The following ASTN2 variants were observed in gnomAD, a reference collection of about 807,000 sequenced individuals.
ASTN2 encodes astrotactin-2.
In ASTN2, 54 loss-of-function variants were observed where a neutral mutation model predicts 139.8. The ratio of observed to expected loss-of-function variants is 0.39; its 90% CI spans 0.31 to 0.48. ASTN2 has a LOEUF of 0.48. Among genes scored for constraint, ASTN2 ranks in the 20% least tolerant of loss-of-function variants. ASTN2 has a pLI of 0.95. For synonymous variants in ASTN2, 756 were observed against 719.5 expected, an observed-to-expected ratio of 1.05 and a Z score of -0.81; for missense variants, 1,565 against 1,725.1, an observed-to-expected ratio of 0.91 and a Z score of 1.64.
chr9:116,669,145 G>C (rs1304048862), intron 16 of ASTN2, among the ~76,000 whole-genome samples: 1 of 152,122 alleles, frequency 6.6e-6, no homozygotes, highest in African/African-American at 2.4e-5. Flanking sequence ...CCATTGCCAT[G>C]GCAACACCTA....
At chr9:116,853,309 C>T (rs1317845158) in intron 11 of ASTN2, among the ~76,000 whole-genome samples, 1 of 152,086 alleles carries the variant, frequency 6.6e-6, no homozygotes, top group Admixed American at 6.5e-5. Context: ...GATTGATGAT[C>T]AGATGGAGAA....
At chr9:116,726,379 C>T (rs140157986) in intron 15 of ASTN2, among the ~76,000 whole-genome samples, 37 of 152,250 alleles carry the variant, frequency 2.4e-4, no homozygotes, top group African/African-American at 3.6e-4. Flanking sequence ...GTATAATGAG[C>T]AAGTCAAAGC....
chr9:117,305,127 T>C (rs1834967743), intron 1 of ASTN2, among the ~76,000 whole-genome samples: 1 of 152,172 alleles, frequency 6.6e-6, no homozygotes, highest in African/African-American at 2.4e-5. Flanking sequence ...GTTGTTCCCA[T>C]ATTGCCAGGC....
intron 1 of ASTN2, among the ~76,000 whole-genome samples, chr9:117,331,449 C>A (rs780908664): frequency 2.6e-4 from 39 of 152,210 alleles, no homozygotes; most frequent in Admixed American, 6.5e-4. Context: ...ATCAATTGAG[C>A]CTCGGTGTTC....
At chr9:116,800,691 C>T (rs1281749882) in intron 13 of ASTN2, among the ~76,000 whole-genome samples, 1 of 152,124 alleles carries the variant, frequency 6.6e-6, no homozygotes, top group Non-Finnish European at 1.5e-5. Flanking sequence ...AACAAGAAAC[C>T]AGGGAGCACT....
At chr9:116,610,220 G>A (rs566919187) in intron 19 of ASTN2, among the ~76,000 whole-genome samples, 3 of 152,220 alleles carry the variant, frequency 2.0e-5, no homozygotes, top group Admixed American at 2.0e-4. Flanking sequence ...ACACCCCAAA[G>A]TTAATAATGC....
At chr9:117,022,752 A>T (rs1837923510) in intron 6 of ASTN2, among the ~76,000 whole-genome samples, 1 of 152,026 alleles carries the variant, frequency 6.6e-6, no homozygotes. Context: ...GTCAGCTGGG[A>T]GTTGGGGACT....
intron 3 of ASTN2, among the ~76,000 whole-genome samples, chr9:117,152,721 C>G (rs918990805): frequency 2.6e-5 from 4 of 152,134 alleles, no homozygotes; most frequent in African/African-American, 9.7e-5. Context: ...GAACCCCACT[C>G]TCTTACTTTT....
intron 7 of ASTN2, among the ~76,000 whole-genome samples, chr9:116,997,970 G>T (rs1837072750): frequency 6.6e-6 from 1 of 152,156 alleles, no homozygotes; most frequent in Non-Finnish European, 1.5e-5. Context: ...GCATTGAATG[G>T]ATTAATCTGA....
chr9:117,103,814 G>T (rs1269908571), intron 4 of ASTN2, among the ~76,000 whole-genome samples: 1 of 152,156 alleles, frequency 6.6e-6, no homozygotes, highest in African/African-American at 2.4e-5. Context: ...GAATACAAAT[G>T]GTCCCAGTCA....
intron 10 of ASTN2, among the ~76,000 whole-genome samples, chr9:116,948,638 G>A (rs1206119438): frequency 6.6e-6 from 1 of 151,500 alleles, no homozygotes; most frequent in Non-Finnish European, 1.5e-5. Context: ...GGAGGGTTGG[G>A]GTAAGGAGGG....
intron 19 of ASTN2, among the ~76,000 whole-genome samples, chr9:116,521,917 C>T (rs180907958): frequency 6.6e-6 from 1 of 152,134 alleles, no homozygotes; most frequent in Admixed American, 6.5e-5. Context: ...AAAAAATGCT[C>T]AACATCACTA....
chr9:116,893,532 C>A (rs1302646529), intron 10 of ASTN2, among the ~76,000 whole-genome samples: 1 of 152,006 alleles, frequency 6.6e-6, no homozygotes, highest in East Asian at 1.9e-4. Flanking sequence ...AGCCTCAGTC[C>A]CCCAGTTGTA....
intron 1 of ASTN2, among the ~76,000 whole-genome samples, chr9:117,307,118 G>A (rs974175): frequency 0.08 from 12,245 of 152,196 alleles, 654 homozygotes; most frequent in South Asian, 0.12. Flanking sequence ...ATGTTCAACC[G>A]GGGGAACACA....
intron 22 of ASTN2, among the ~76,000 whole-genome samples, chr9:116,436,064 G>A (rs566530397): frequency 2.6e-5 from 4 of 152,278 alleles, no homozygotes; most frequent in African/African-American, 7.2e-5. Context: ...GCTGAACCTT[G>A]TAAAGGCAGG....
chr9:117,003,570 C>T (rs946606097), intron 7 of ASTN2, among the ~76,000 whole-genome samples: 3 of 9,906 alleles, frequency 3.0e-4, no homozygotes, highest in Admixed American at 1.6e-3. Flanking sequence ...AATCTAGAGG[C>T]TATTGGTGGA....
chr9:117,282,118 C>T (rs1834339700), intron 2 of ASTN2, among the ~76,000 whole-genome samples: 1 of 152,118 alleles, frequency 6.6e-6, no homozygotes, highest in Non-Finnish European at 1.5e-5. Context: ...TCTGTTCTTG[C>T]CAATTCTCCT....
At chr9:116,794,951 G>A (rs962442471) in intron 13 of ASTN2, among the ~76,000 whole-genome samples, 2 of 152,060 alleles carry the variant, frequency 1.3e-5, no homozygotes, top group African/African-American at 2.4e-5. Context: ...TATGCTTATC[G>A]TTAAATGTTT....
chr9:116,929,437 C>A (rs1372089172), intron 10 of ASTN2, among the ~76,000 whole-genome samples: 4 of 152,020 alleles, frequency 2.6e-5, no homozygotes, highest in Non-Finnish European at 5.9e-5. Context: ...AGGAAGTGAA[C>A]CCTAAGGAGA....
Sources: allele counts gnomAD v4.1 joint callset (sites outside exome capture counted in the v4.1 genomes callset), GRCh38; gene constraint gnomAD v4.1.1; transcripts MANE v1.5; gene names NCBI Gene and HGNC (gene_info 2026-07-23, HGNC 2026-07-21).